Variants in TBC1D19 observed in about 807,000 individuals in gnomAD.
TBC1D19 encodes the protein TBC1 domain family, member 19.
A neutral mutation model predicts 89.0 loss-of-function variants in TBC1D19; 60 were observed. The observed-to-expected ratio is 0.67, with a 90% CI of 0.55 to 0.84. TBC1D19 has a LOEUF of 0.84. TBC1D19 is among the 40% of genes least tolerant of loss of function. The pLI is 0.00. For missense variants in TBC1D19, 500 were observed against 610.8 expected (o/e 0.82, Z 1.91); for synonymous variants, 189 against 199.7 (o/e 0.95, Z 0.45).
chr4:26,853,871 G>A, the TBC1D19 span, among the ~76,000 whole-genome samples: 6 of 152,252 alleles, frequency 3.9e-5, no homozygotes, highest in Middle Eastern at 3.4e-3. Context: ...TCTTTCTTTC[G>A]TATTTACAAT....
chr4:26,841,010 G>C, the TBC1D19 span, among the ~76,000 whole-genome samples: 1 of 152,084 alleles, frequency 6.6e-6, no homozygotes, highest in South Asian at 2.1e-4. Context: ...GAGTGCAGGT[G>C]TAAGAAGGGT....
chr4:26,694,097 G>A (rs1714539650), intron 13 of TBC1D19, among the ~76,000 whole-genome samples: 1 of 152,096 alleles, frequency 6.6e-6, no homozygotes, highest in Non-Finnish European at 1.5e-5. Flanking sequence ...AGCAGGGTGA[G>A]GCATTGCCTC....
At chr4:26,790,397 G>A in the TBC1D19 span, among the ~76,000 whole-genome samples, 1 of 152,180 alleles carries the variant, frequency 6.6e-6, no homozygotes, top group Non-Finnish European at 1.5e-5. Context: ...ATACTGAGAA[G>A]TTAGGGTGAG....
intron 1 of TBC1D19, among the ~76,000 whole-genome samples, chr4:26,608,081 G>A (rs1177289666): frequency 6.6e-6 from 1 of 152,128 alleles, no homozygotes; most frequent in Non-Finnish European, 1.5e-5. Context: ...CAGAATTTTA[G>A]CAGTATTGGA....
At chr4:26,773,220 A>G in the TBC1D19 span, among the ~76,000 whole-genome samples, 2 of 152,142 alleles carry the variant, frequency 1.3e-5, no homozygotes, top group African/African-American at 4.8e-5. Flanking sequence ...GATCAGTAAT[A>G]TTGAGCTTTA....
chr4:26,680,676 A>G (rs1397129010), intron 11 of TBC1D19, among the ~76,000 whole-genome samples: 10 of 152,224 alleles, frequency 6.6e-5, no homozygotes, highest in Admixed American at 6.5e-4. Flanking sequence ...AACTACAACT[A>G]CCCTAATTAA....
At chr4:26,700,470 C>T (rs191397459) in intron 13 of TBC1D19, among the ~76,000 whole-genome samples, 39 of 152,202 alleles carry the variant, frequency 2.6e-4, no homozygotes, top group African/African-American at 8.9e-4. Context: ...ACCAGAACTT[C>T]ATGGGCCTTC....
chr4:26,654,277 C>G (rs967232125), intron 7 of TBC1D19, among the ~76,000 whole-genome samples: 2 of 152,244 alleles, frequency 1.3e-5, no homozygotes, highest in African/African-American at 4.8e-5. Flanking sequence ...TTGTGGGTAA[C>G]CCAACCTTTC....
upstream of TBC1D19, chr4:26,583,968 C>G: frequency 1.8e-6 from 1 of 562,554 alleles, no homozygotes; most frequent in Non-Finnish European, 3.2e-6. Context: ...CCTCCCCGCC[C>G]CGGTCTTTTT....
intron 1 of TBC1D19, among the ~76,000 whole-genome samples, chr4:26,595,791 T>A (rs1485500513): frequency 3.3e-5 from 5 of 152,076 alleles, no homozygotes; most frequent in African/African-American, 1.2e-4. Flanking sequence ...TATTTCTAGG[T>A]CTCTATTCTG....
chr4:26,676,962 A>G (rs1359927322), intron 11 of TBC1D19, among the ~76,000 whole-genome samples: 1 of 152,030 alleles, frequency 6.6e-6, no homozygotes, highest in Non-Finnish European at 1.5e-5. Context: ...CCTCAAATCT[A>G]TATGCCTTCT....
the TBC1D19 span, among the ~76,000 whole-genome samples, chr4:26,781,584 A>G: frequency 6.6e-6 from 1 of 152,232 alleles, no homozygotes; most frequent in African/African-American, 2.4e-5. Flanking sequence ...TTTAATTAAC[A>G]TTTTAAGTGG....
chr4:26,726,010 A>T (rs557496969), intron 15 of TBC1D19, among the ~76,000 whole-genome samples: 1 of 152,280 alleles, frequency 6.6e-6, no homozygotes, highest in South Asian at 2.1e-4. Context: ...AACCATCATA[A>T]ATTTGTTAAT....
At chr4:26,623,243 T>C (rs1007943543) in intron 4 of TBC1D19, among the ~76,000 whole-genome samples, 4 of 152,324 alleles carry the variant, frequency 2.6e-5, no homozygotes, top group Non-Finnish European at 5.9e-5. Context: ...TACTGTTTAC[T>C]TTCTCTCTTC....
At chr4:26,660,226 G>C (rs1745136895) in intron 8 of TBC1D19, among the ~76,000 whole-genome samples, 1 of 152,076 alleles carries the variant, frequency 6.6e-6, no homozygotes. Flanking sequence ...GTGGAATTAA[G>C]AAATTATCAC....
intron 18 of TBC1D19, among the ~76,000 whole-genome samples, chr4:26,744,693 G>T (rs1383175059): frequency 6.6e-6 from 1 of 151,860 alleles, no homozygotes; most frequent in African/African-American, 2.4e-5. Flanking sequence ...TATCTTTCTG[G>T]CATTTATTTC....
intron 3 of TBC1D19, among the ~76,000 whole-genome samples, chr4:26,615,622 A>C (rs1270522393): frequency 6.6e-6 from 1 of 152,170 alleles, no homozygotes; most frequent in Non-Finnish European, 1.5e-5. Flanking sequence ...ATGAACCCCT[A>C]TGCACATGTG....
intron 1 of TBC1D19, among the ~76,000 whole-genome samples, chr4:26,609,802 C>T (rs986045276): frequency 6.6e-6 from 1 of 152,056 alleles, no homozygotes; most frequent in African/African-American, 2.4e-5. Context: ...AAAATTGGTT[C>T]ATTCATTCGA....
chr4:26,846,677 A>T, the TBC1D19 span, among the ~76,000 whole-genome samples: 10 of 152,222 alleles, frequency 6.6e-5, no homozygotes, highest in African/African-American at 2.2e-4. Context: ...TTTCTTTATC[A>T]AATTTTTGCA....
Sources: allele counts gnomAD v4.1 joint callset (sites outside exome capture counted in the v4.1 genomes callset), GRCh38; gene constraint gnomAD v4.1.1; transcripts MANE v1.5; gene names NCBI Gene and HGNC (gene_info 2026-07-23, HGNC 2026-07-21).